GALK2: variants seen among roughly 807,000 people sequenced by gnomAD.
GALK2 encodes galactokinase 2, also known as N-acetylgalactosamine kinase.
Under a neutral mutation model 52.4 loss-of-function variants are expected in GALK2, and 36 were observed. The ratio of observed to expected loss-of-function variants is 0.69; its 90% CI spans 0.53 to 0.91. GALK2 has a LOEUF of 0.91. GALK2 is among the 40% of genes least tolerant of loss of function. GALK2 has a pLI of 0.00. For missense variants in GALK2, 579 were observed against 559.1 expected (o/e 1.04, Z -0.36); for synonymous variants, 176 against 199.1 (o/e 0.88, Z 0.98).
chr15:49,331,943 T>G, downstream of GALK2: 1 of 764,302 alleles, frequency 1.3e-6, no homozygotes, highest in Non-Finnish European at 2.3e-6. Flanking sequence ...TTTAATATGC[T>G]GGGCATTCGT....
intron 3 of GALK2, among the ~76,000 whole-genome samples, chr15:49,359,773 T>G (rs528633373): frequency 7.4e-6 from 1 of 135,660 alleles, no homozygotes; most frequent in Admixed American, 7.3e-5. Flanking sequence ...CATGCTGCTA[T>G]AAAGACACAT....
chr15:49,226,900 C>T (rs1302847958), intron 3 of GALK2, among the ~76,000 whole-genome samples: 2 of 152,154 alleles, frequency 1.3e-5, no homozygotes, highest in African/African-American at 4.8e-5. Flanking sequence ...ACAAGTTCCT[C>T]TTTTTATTAC....
At chr15:49,261,763 A>G (rs1295575938) in intron 5 of GALK2, among the ~76,000 whole-genome samples, 1 of 152,096 alleles carries the variant, frequency 6.6e-6, no homozygotes, top group African/African-American at 2.4e-5. Context: ...ATTTATTCAG[A>G]GTTTTTAGCA....
chr15:49,251,138 A>G (rs1005532953), intron 5 of GALK2, among the ~76,000 whole-genome samples: 5 of 152,232 alleles, frequency 3.3e-5, no homozygotes, highest in African/African-American at 1.2e-4. Flanking sequence ...AGAAAAGAGA[A>G]TTACAGGTCA....
At chr15:49,308,603 T>G (rs574147635) in intron 8 of GALK2, among the ~76,000 whole-genome samples, 1 of 152,312 alleles carries the variant, frequency 6.6e-6, no homozygotes, top group East Asian at 1.9e-4. Context: ...TAAACCTTTA[T>G]GCAGTTTGGT....
chr15:49,296,318 T>C (rs2034473770), intron 8 of GALK2, among the ~76,000 whole-genome samples: 1 of 152,152 alleles, frequency 6.6e-6, no homozygotes, highest in Admixed American at 6.5e-5. Context: ...ACTTTTCCTT[T>C]CTTTGTCACC....
chr15:49,183,212 T>G (rs1188642935), intron 1 of GALK2, among the ~76,000 whole-genome samples: 1 of 152,148 alleles, frequency 6.6e-6, no homozygotes, highest in African/African-American at 2.4e-5. Context: ...TAATTTCGGG[T>G]TTGGCTTTCT....
intron 8 of GALK2, among the ~76,000 whole-genome samples, chr15:49,296,231 G>C (rs1470670501): frequency 6.6e-6 from 1 of 152,150 alleles, no homozygotes; most frequent in East Asian, 1.9e-4. Flanking sequence ...CCCAGGTAGT[G>C]AGCATAGTAT....
chr15:49,315,013 C>G (rs552431052), intron 8 of GALK2, among the ~76,000 whole-genome samples: 1 of 152,190 alleles, frequency 6.6e-6, no homozygotes, highest in Non-Finnish European at 1.5e-5. Flanking sequence ...ATTTATTATA[C>G]AAGCCAAAAT....
At chr15:49,270,008 C>T (rs1595905129) in intron 5 of GALK2, among the ~76,000 whole-genome samples, 1 of 152,274 alleles carries the variant, frequency 6.6e-6, no homozygotes, top group Middle Eastern at 3.4e-3. Flanking sequence ...GCTACTGGAC[C>T]TCCTCACCAT....
chr15:49,235,548 C>G, intron 3 of GALK2: 3 of 509,680 alleles, frequency 5.9e-6, no homozygotes, highest in Non-Finnish European at 1.1e-5. Flanking sequence ...TGGTTTACAC[C>G]AGTTTAACAA....
intron 2 of GALK2, among the ~76,000 whole-genome samples, chr15:49,211,349 A>G (rs755032533): frequency 6.6e-6 from 1 of 152,146 alleles, no homozygotes; most frequent in Non-Finnish European, 1.5e-5. Flanking sequence ...CATTGTTCAT[A>G]TTATTATCAG....
chr15:49,182,617 A>G (rs1325587894), intron 1 of GALK2, among the ~76,000 whole-genome samples: 1 of 152,094 alleles, frequency 6.6e-6, no homozygotes, highest in Non-Finnish European at 1.5e-5. Context: ...ACAGTGTATG[A>G]GGGTTCTCTT....
In GALK2 at chr15:49,283,440, T is replaced by C. The variant is rs570071562; in HGVS notation, c.604-126T>C. ...CAGTGCCTAGTACAGCGCCTGGAGG[T>C]CAATAAGTAATATTTGAATGAATGA... On this transcript the variant is annotated intron_variant, in intron 6 of 9. Transcript: ENST00000560031. The C allele has an allele frequency of 3.8e-6, 3 of 792,896 alleles. No individual in the cohort carries two copies. The South Asian group carries it at 5.5e-5, about 15-fold the overall frequency. 49.1% of individuals were successfully genotyped at this position (792,896 alleles called of 1,614,324 possible).
At chr15:49,231,923 C>T (rs1439440477) in intron 3 of GALK2, among the ~76,000 whole-genome samples, 1 of 152,212 alleles carries the variant, frequency 6.6e-6, no homozygotes, top group Non-Finnish European at 1.5e-5. Context: ...GCACCTGCGG[C>T]TTTTACATGT....
At chr15:49,203,176 G>A (rs1228004488) in intron 2 of GALK2, among the ~76,000 whole-genome samples, 4 of 151,820 alleles carry the variant, frequency 2.6e-5, no homozygotes, top group African/African-American at 7.3e-5. Context: ...TCGGCCTCCC[G>A]AGTAGCTGGG....
intron 3 of GALK2, among the ~76,000 whole-genome samples, chr15:49,338,441 T>C (rs1231873617): frequency 6.6e-6 from 1 of 152,258 alleles, no homozygotes; most frequent in Non-Finnish European, 1.5e-5. Flanking sequence ...TTTAAGAATG[T>C]TGAATATTGG....
At chr15:49,349,297 AATT>A (rs2041935014) in intron 3 of GALK2, among the ~76,000 whole-genome samples, 1 of 152,130 alleles carries the variant, frequency 6.6e-6, no homozygotes, top group African/African-American at 2.4e-5. Context: ...TTCTTATAAA[AATT>A]ATTAATTTCA....
chr15:49,166,457 G>A (rs1052359747), upstream of GALK2, among the ~76,000 whole-genome samples: 1 of 152,110 alleles, frequency 6.6e-6, no homozygotes, highest in Non-Finnish European at 1.5e-5. Flanking sequence ...AGTAGCTCAC[G>A]CCTGTAATCT....
Sources: allele counts gnomAD v4.1 joint callset (sites outside exome capture counted in the v4.1 genomes callset), GRCh38; gene constraint gnomAD v4.1.1; transcripts MANE v1.5; gene names NCBI Gene and HGNC (gene_info 2026-07-23, HGNC 2026-07-21).